The following FRMD5 variants were observed in gnomAD, a reference collection of about 807,000 sequenced individuals.
The protein encoded by FRMD5 is FERM domain-containing protein 5.
In FRMD5, 20 loss-of-function variants were observed where a neutral mutation model predicts 69.0. The ratio of observed to expected loss-of-function variants is 0.29; its 90% confidence interval spans 0.20 to 0.42. FRMD5 has a LOEUF of 0.42. Among genes scored for constraint, FRMD5 ranks in the 10% least tolerant of loss-of-function variants. The pLI is 1.00. For missense variants in FRMD5, 595 were observed against 708.6 expected, an observed-to-expected ratio of 0.84 and a Z score of 1.82; for synonymous variants, 271 against 260.1, an observed-to-expected ratio of 1.04 and a Z score of -0.40.
intron 1 of FRMD5, among the ~76,000 whole-genome samples, chr15:44,009,426 TC>T (rs1161626375): frequency 5.7e-4 from 87 of 152,212 alleles, no homozygotes; most frequent in African/African-American, 2.1e-3. Flanking sequence ...ATGCCTCTAA[TC>T]CCAGCACTTT....
intron 1 of FRMD5, among the ~76,000 whole-genome samples, chr15:44,181,088 A>T (rs1386031278): frequency 6.6e-6 from 1 of 152,114 alleles, no homozygotes; most frequent in Admixed American, 6.6e-5. Context: ...TGCCCAGGCT[A>T]GAGTACAGTG....
At chr15:43,883,673 C>A in intron 13 of FRMD5, 30 bp downstream of exon 13, 1 of 1,507,996 alleles carries the variant, frequency 6.6e-7, no homozygotes, top group South Asian at 1.2e-5. Context: ...TGGAGGACCC[C>A]AGTGGTCACC....
intron 1 of FRMD5, among the ~76,000 whole-genome samples, chr15:44,181,396 T>C (rs529950728): frequency 1.1e-4 from 16 of 152,130 alleles, no homozygotes; most frequent in African/African-American, 3.6e-4. Flanking sequence ...TTGCAAAAAA[T>C]AGTAAGGAGA....
chr15:43,999,210 G>T (rs534687074), intron 1 of FRMD5, among the ~76,000 whole-genome samples: 15 of 152,210 alleles, frequency 9.9e-5, no homozygotes, highest in African/African-American at 2.6e-4. Context: ...TGGGATTACA[G>T]GTGTGTGCCA....
At chr15:43,966,968 CAG>C (rs1025393660) in intron 1 of FRMD5, among the ~76,000 whole-genome samples, 19 of 152,008 alleles carry the variant, frequency 1.2e-4, no homozygotes, top group African/African-American at 4.6e-4. Context: ...AACAGAGAAA[CAG>C]AAGCAGAGAG....
chr15:44,196,791 TC>T (rs1436302669), upstream of FRMD5, among the ~76,000 whole-genome samples: 1 of 137,250 alleles, frequency 7.3e-6, no homozygotes, highest in Non-Finnish European at 1.5e-5. Context: ...CCCCTCTCCC[TC>T]CCCCTTTTTC....
In FRMD5 at chr15:44,037,956, C is replaced by A. The variant is rs183539040; in HGVS notation, c.103-113647G>T. Among the ~76,000 whole-genome samples the A allele has an allele frequency of 5.3e-5, 8 of 152,342 alleles. No homozygotes were observed. The East Asian group carries it at 1.3e-3, about 26-fold the overall frequency. On this transcript the variant is annotated intron_variant, in intron 1 of 13. Coordinates refer to ENST00000417257, the MANE Select transcript of FRMD5 (RefSeq NM_032892.5). ...TCCTATTTCTCCACATCTTCTCCAGCATCTGTTGTTTCCTGGCTTTTTAGT... is the reference window on the plus strand; with the variant it reads ...TCCTATTTCTCCACATCTTCTCCAGAATCTGTTGTTTCCTGGCTTTTTAGT...
At chr15:43,952,559 G>A (rs1274670227) in intron 1 of FRMD5, among the ~76,000 whole-genome samples, 1 of 152,190 alleles carries the variant, frequency 6.6e-6, no homozygotes, top group Non-Finnish European at 1.5e-5. Flanking sequence ...TCATGCAGAG[G>A]GAACGCTTGG....
At chr15:43,906,878 G>C (rs2089188726) in intron 5 of FRMD5, among the ~76,000 whole-genome samples, 1 of 152,104 alleles carries the variant, frequency 6.6e-6, no homozygotes, top group Admixed American at 6.5e-5. Flanking sequence ...TGGGATTACA[G>C]GCGTGAGCCA....
At chr15:43,914,008 G>A (rs934577469) in intron 4 of FRMD5, among the ~76,000 whole-genome samples, 1 of 152,188 alleles carries the variant, frequency 6.6e-6, no homozygotes, top group Non-Finnish European at 1.5e-5. Flanking sequence ...CCTCAGAGGG[G>A]CTTTACCTCA....
intron 1 of FRMD5, among the ~76,000 whole-genome samples, chr15:44,027,466 A>C (rs1172937677): frequency 6.6e-6 from 1 of 152,016 alleles, no homozygotes; most frequent in Non-Finnish European, 1.5e-5. Context: ...ATAAGGACAA[A>C]ATTTTCTCAC....
In FRMD5 at chr15:44,003,836, T is replaced by A. The variant is rs1291370106; in HGVS notation, c.103-79527A>T. Among the ~76,000 whole-genome samples the A allele has an allele frequency of 3.9e-5, 6 of 152,218 alleles. No homozygotes were observed. The East Asian group carries it at 5.8e-4, about 15-fold the overall frequency. ...ACCATATATCATTTACTAATTTTTTTATGTTTATTATTCATTGCTTATTCT... is the reference window on the plus strand; with the variant it reads ...ACCATATATCATTTACTAATTTTTTAATGTTTATTATTCATTGCTTATTCT... On this transcript the variant is annotated intron_variant, in intron 1 of 13. Transcript: ENST00000417257.
chr15:44,041,800 T>A (rs552468628), intron 1 of FRMD5, among the ~76,000 whole-genome samples: 2 of 152,194 alleles, frequency 1.3e-5, no homozygotes, highest in African/African-American at 4.8e-5. Context: ...GGGAAATTTA[T>A]AGGACTAGAT....
intron 2 of FRMD5, among the ~76,000 whole-genome samples, chr15:43,923,679 T>C (rs959242545): frequency 2.0e-5 from 3 of 152,212 alleles, no homozygotes; most frequent in Non-Finnish European, 4.4e-5. Flanking sequence ...CTGTCTGGAA[T>C]ATCAGCACCC....
chr15:44,086,518 G>A lies in FRMD5; in HGVS notation c.102+108435C>T, dbSNP rs535944221. 4.6e-5 allele frequency among the ~76,000 whole-genome samples: 7 copies of A among 152,276 alleles called. No individual in the cohort carries two copies. The South Asian group carries it at 1.5e-3, about 32-fold the overall frequency. ...TATCCAGAATAGGCAAATCTACAGA[G>A]ACAGAAAGCAGATTAGTGGTTGCCA... On this transcript the variant is annotated intron_variant, in intron 1 of 13. Transcript: ENST00000417257.
Position 44,145,955 on chromosome 15 carries a change from T to A in FRMD5, c.102+48998A>T, listed in dbSNP as rs115309874. 2.5e-3 allele frequency among the ~76,000 whole-genome samples: 380 copies of A among 152,312 alleles called. 4 individuals are homozygous for A. Among genetic ancestry groups the A allele is most frequent in the African/African-American group, 8.6e-3 (358 of 41,568 alleles). On this transcript the variant is annotated intron_variant, in intron 1 of 13. Transcript: ENST00000417257. ...GTATGCTGTATTAACATGCAGAAAT[T>A]TAATACATTACATTTTTGCATACTG... is the stretch of plus-strand genomic sequence containing the variant.
chr15:43,881,268 G>A (rs545110107), intron 13 of FRMD5, among the ~76,000 whole-genome samples: 2 of 152,282 alleles, frequency 1.3e-5, no homozygotes, highest in African/African-American at 4.8e-5. Context: ...TGGAAAGAAA[G>A]GCCACAGAGG....
chr15:44,097,019 G>C (rs1213849346), intron 1 of FRMD5, among the ~76,000 whole-genome samples: 1 of 152,156 alleles, frequency 6.6e-6, no homozygotes, highest in Non-Finnish European at 1.5e-5. Flanking sequence ...ACAAACACAA[G>C]TAGAGAATGG....
intron 1 of FRMD5, among the ~76,000 whole-genome samples, chr15:43,979,052 T>C (rs1040455752): frequency 1.1e-4 from 16 of 152,110 alleles, no homozygotes; most frequent in African/African-American, 3.1e-4. Flanking sequence ...AGGGTTCAAT[T>C]TGTGGCTGGG....
Sources: allele counts gnomAD v4.1 joint callset (sites outside exome capture counted in the v4.1 genomes callset), GRCh38; gene constraint gnomAD v4.1.1; transcripts MANE v1.5; gene names NCBI Gene and HGNC (gene_info 2026-07-23, HGNC 2026-07-21).